Variants in TEX36 observed in about 807,000 individuals in gnomAD.
The protein encoded by TEX36 is testis-expressed protein 36.
A neutral mutation model predicts 13.6 loss-of-function variants in TEX36; 12 were observed. That is an observed-to-expected ratio of 0.88 (90% CI 0.56 to 1.43). The LOEUF is 1.43. Ranked by LOEUF, TEX36 falls within the 40% of genes most tolerant of loss-of-function variation. The probability of loss-of-function intolerance (pLI) is 0.00; values close to 1 mark genes in which losing one functional copy is unlikely to be tolerated. For synonymous variants in TEX36, 93 were observed against 83.0 expected (o/e 1.12, Z -0.65); for missense variants, 224 against 228.3 (o/e 0.98, Z 0.12).
chr10:125,600,640 C>A (rs1322043163), intron 3 of TEX36, among the ~76,000 whole-genome samples: 5 of 152,146 alleles, frequency 3.3e-5, no homozygotes, highest in African/African-American at 4.8e-5. Flanking sequence ...CTGAGGACCC[C>A]CAGTGATACC....
intron 3 of TEX36, among the ~76,000 whole-genome samples, chr10:125,591,584 A>G (rs1349647009): frequency 6.6e-6 from 1 of 152,172 alleles, no homozygotes; most frequent in Admixed American, 6.5e-5. Flanking sequence ...AACCGCACTG[A>G]TCAATACCCT....
chr10:125,655,877 T>C lies in TEX36; in HGVS notation c.*23A>G. The C allele has an allele frequency of 6.8e-7, 1 of 1,461,278 alleles. No individual in the cohort carries two copies. Among genetic ancestry groups the C allele is most frequent in the Non-Finnish European group, 9.1e-7 (1 of 1,101,946 alleles). 90.5% of individuals were successfully genotyped at this position (1,461,278 alleles called of 1,614,324 possible). A position where few individuals can be genotyped will look rare whatever the true frequency, so the allele number is the denominator to read the frequency against. On this transcript the variant is annotated 3_prime_UTR_variant, in exon 4 of 4. Coordinates refer to ENST00000368821, the MANE Select transcript of TEX36 (RefSeq NM_001128202.3). ...TGATGAAATACCAGTATTACAAAAT[T>C]CATCAAAAATCTTCTGGGAGGATTA...
intron 3 of TEX36, among the ~76,000 whole-genome samples, chr10:125,578,655 C>T (rs983767979): frequency 2.6e-5 from 4 of 152,144 alleles, no homozygotes; most frequent in African/African-American, 7.2e-5. Flanking sequence ...TCCTGTCTGT[C>T]CGGTCTATAA....
rs297252 is a variant in TEX36, at chr10:125,624,513, G to T, written c.265-2868C>A. Reference sequence around the variant, plus strand: ...AGGGTCCTGAGGAAGAGTTGCAATGGGTCATGACTGGTGGGGCTGGTCATA... The same window carrying T: ...AGGGTCCTGAGGAAGAGTTGCAATGTGTCATGACTGGTGGGGCTGGTCATA... On this transcript the variant is annotated intron_variant, in intron 3 of 3. Transcript: ENST00000526819. Among the ~76,000 whole-genome samples the T allele has an allele frequency of 7.7e-3, 1,175 of 152,158 alleles. 16 individuals are homozygous for T. Among genetic ancestry groups the T allele is most frequent in the African/African-American group, 0.027 (1,124 of 41,504 alleles).
intron 3 of TEX36, among the ~76,000 whole-genome samples, chr10:125,632,686 G>A (rs923548650): frequency 5.3e-5 from 8 of 152,216 alleles, no homozygotes; most frequent in Non-Finnish European, 1.2e-4. Flanking sequence ...GAGCTGCTCA[G>A]CTACAGTCCC....
rs990271156 is a variant in TEX36 at position 125,582,065 on chromosome 10, G to T, written c.265-5191C>A. The stretch of plus-strand genomic sequence containing the variant: ...GGGATGGGGTGGTTTTCCCTACTCA[G>T]CCAGCTGGAGGAAGCGAATCTGAGT... On this transcript the variant is annotated intron_variant, in intron 3 of 3. Transcript: ENST00000532135. Among the ~76,000 whole-genome samples the T allele has an allele frequency of 2.6e-5, 4 of 152,212 alleles. No individual in the cohort carries two copies. In the East Asian group the frequency reaches 5.8e-4, roughly 22 times the overall value.
chr10:125,648,686 C>T (rs1203715378), intron 3 of TEX36, among the ~76,000 whole-genome samples: 5 of 152,102 alleles, frequency 3.3e-5, no homozygotes, highest in Admixed American at 1.3e-4. Context: ...AGGCTTCAGA[C>T]GATCAGTAAT....
At chr10:125,671,742 C>G (rs1847234082) in intron 1 of TEX36, among the ~76,000 whole-genome samples, 1 of 152,178 alleles carries the variant, frequency 6.6e-6, no homozygotes. Context: ...TAGAATTCAG[C>G]TGTAAATCCA....
At chr10:125,654,827 A>G (rs1846914551), downstream of TEX36, among the ~76,000 whole-genome samples, 1 of 152,202 alleles carries the variant, frequency 6.6e-6, no homozygotes, top group Non-Finnish European at 1.5e-5. Flanking sequence ...TAGGAGTTCA[A>G]TTGGTCCAGT....
At chr10:125,674,697 G>C (rs1339940667) in intron 1 of TEX36, among the ~76,000 whole-genome samples, 1 of 152,234 alleles carries the variant, frequency 6.6e-6, no homozygotes, top group East Asian at 1.9e-4. Flanking sequence ...GACTGCTGCA[G>C]TTTGCTGGAG....
downstream of TEX36, among the ~76,000 whole-genome samples, chr10:125,617,430 G>T (rs926941404): frequency 1.1e-4 from 16 of 152,182 alleles, no homozygotes; most frequent in Non-Finnish European, 1.9e-4. Context: ...GGTACCAGTT[G>T]TTCCTTTCCA....
chr10:125,667,882 G>A (rs894368626), intron 1 of TEX36: 26 of 1,517,022 alleles, frequency 1.7e-5, no homozygotes, highest in Admixed American at 5.0e-5. Context: ...CCAGTGCCAC[G>A]ATGCGGTGAG....
At chr10:125,586,072 C>T (rs1845943673) in intron 3 of TEX36, among the ~76,000 whole-genome samples, 1 of 152,152 alleles carries the variant, frequency 6.6e-6, no homozygotes. Context: ...AGGTGGGACA[C>T]AGAGCTCAAA....
At chr10:125,584,317 G>C (rs1207886142) in intron 3 of TEX36, among the ~76,000 whole-genome samples, 1 of 152,226 alleles carries the variant, frequency 6.6e-6, no homozygotes, top group Non-Finnish European at 1.5e-5. Context: ...AAGTTTTGGG[G>C]TGGCTTGTAA....
chr10:125,676,327 T>C (rs969033748), intron 1 of TEX36, among the ~76,000 whole-genome samples: 1 of 152,254 alleles, frequency 6.6e-6, no homozygotes, highest in Non-Finnish European at 1.5e-5. Flanking sequence ...AACTGTTATA[T>C]CCTCTTGCTG....
intron 3 of TEX36, among the ~76,000 whole-genome samples, chr10:125,658,494 G>A (rs981437345): frequency 1.2e-4 from 18 of 152,020 alleles, no homozygotes; most frequent in Middle Eastern, 3.2e-3. Context: ...TTAAGACAAG[G>A]ATATGAAAGA....
intron 1 of TEX36, among the ~76,000 whole-genome samples, chr10:125,681,092 G>A (rs902574508): frequency 6.6e-6 from 1 of 152,216 alleles, no homozygotes; most frequent in Admixed American, 6.5e-5. Context: ...CTGATAAAAA[G>A]GGGCAGACTT....
At chr10:125,605,638 G>A (rs1211876409) in intron 3 of TEX36, among the ~76,000 whole-genome samples, 2 of 152,124 alleles carry the variant, frequency 1.3e-5, no homozygotes, top group African/African-American at 2.4e-5. Flanking sequence ...GTCTCGCTCT[G>A]TCACCCAGGC....
intron 1 of TEX36, chr10:125,668,018 C>G (rs1432723308): frequency 1.0e-5 from 7 of 697,544 alleles, no homozygotes; most frequent in Admixed American, 9.0e-5. Context: ...GACGGAGGCC[C>G]TTGGTTGTCA....
Sources: allele counts gnomAD v4.1 joint callset (sites outside exome capture counted in the v4.1 genomes callset), GRCh38; gene constraint gnomAD v4.1.1; transcripts MANE v1.5; gene names NCBI Gene and HGNC (gene_info 2026-07-23, HGNC 2026-07-21).